Variants in CLYBL observed in about 807,000 individuals in gnomAD.
CLYBL encodes the protein citramalyl-CoA lyase.
A neutral mutation model predicts 38.9 loss-of-function variants in CLYBL; 31 were observed. The ratio of observed to expected loss-of-function variants is 0.80; its 90% CI spans 0.60 to 1.08. CLYBL has a LOEUF of 1.08. Among genes scored for constraint, CLYBL ranks in the 50% least tolerant of loss-of-function variants. The pLI, the probability that CLYBL is intolerant of heterozygous loss-of-function variation, is 0.00. For synonymous variants in CLYBL, 171 were observed against 158.6 expected (o/e 1.08, Z -0.59); for missense variants, 434 against 411.6 (o/e 1.05, Z -0.47).
rs144272756 is a variant in CLYBL, at chr13:99,846,410, T to C, written c.250-12451T>C. 1.2e-3 allele frequency among the ~76,000 whole-genome samples: 182 copies of C among 152,038 alleles called. 1 individual carries two copies. Among genetic ancestry groups the C allele is most frequent in the African/African-American group, 3.7e-3 (152 of 41,460 alleles). ...TGGAGATATTTTTTATTCCTTTTTG[T>C]TTTAAAGCCCTGTCTACTTTAAAAA... On this transcript the variant is annotated intron_variant, in intron 2 of 8. Coordinates refer to ENST00000339105, the MANE Select transcript of CLYBL (RefSeq NM_206808.5).
intron 1 of CLYBL, among the ~76,000 whole-genome samples, chr13:99,736,514 C>T (rs1201583373): frequency 6.6e-6 from 1 of 151,830 alleles, no homozygotes; most frequent in Non-Finnish European, 1.5e-5. Flanking sequence ...TTTTGAAGAG[C>T]TAATATTTAT....
At chr13:99,837,449 C>CTG (rs1489346727) in intron 2 of CLYBL, among the ~76,000 whole-genome samples, 11 of 152,178 alleles carry the variant, frequency 7.2e-5, no homozygotes, top group African/African-American at 2.7e-4. Flanking sequence ...GAGACCCTGT[C>CTG]TCGAAAATAA....
intron 1 of CLYBL, among the ~76,000 whole-genome samples, chr13:99,608,832 A>G (rs1382257015): frequency 1.8e-5 from 2 of 110,230 alleles, no homozygotes; most frequent in Non-Finnish European, 3.5e-5. Context: ...TTAGGGTTCT[A>G]TGTAAGTGAT....
rs755185509 is a variant in CLYBL at position 99,864,998 on chromosome 13, C to T, written c.634+87C>T. 4.3e-5 allele frequency: 40 copies of T among 924,972 alleles called. No individual in the cohort carries two copies. In the Middle Eastern group the frequency reaches 8.5e-4, roughly 20 times the overall value. 57.3% of individuals were successfully genotyped at this position (924,972 alleles called of 1,614,324 possible). ...TTTTTCTTTGCCCCTCAAGGATGGA[C>T]ATTTACATAACAATGTATATTTGCC... On this transcript the variant is annotated intron_variant, in intron 5 of 8. Transcript: ENST00000339105.
In CLYBL at chr13:99,880,068, A is replaced by ATT. The variant is rs1555324345; in HGVS notation, c.927+9022_927+9023dup. Among the ~76,000 whole-genome samples, 1,007 of 101,196 alleles carry ATT rather than the reference A, an allele frequency of 1.0e-2. 17 individuals are homozygous for ATT. Among genetic ancestry groups the ATT allele is most frequent in the African/African-American group, 0.018 (454 of 24,678 alleles). The allele number at this position is 101,196 out of a possible 152,430, so 66.4% of individuals were successfully genotyped here. A position where few individuals can be genotyped will look rare whatever the true frequency, so the allele number is the denominator to read the frequency against. ...TGTGTATGTATATATATATATATAT[A>ATT]TTTTTTTTTTTTTTTTTGAGACAGA... is the stretch of plus-strand genomic sequence containing the variant. On this transcript the variant is annotated intron_variant, in intron 7 of 8. Coordinates refer to ENST00000339105, the MANE Select transcript of CLYBL (RefSeq NM_206808.5).
rs189301595 is a variant in CLYBL at position 99,712,405 on chromosome 13, G to T, written c.63-60419G>T. On this transcript the variant is annotated intron_variant, in intron 1 of 8. Coordinates refer to ENST00000339105, the MANE Select transcript of CLYBL (RefSeq NM_206808.5). ...GCTAGAATGCAGTGGCGTGATCTCG[G>T]TTCACTGTGACCTCTGCCTCCTGGG... 1.3e-3 allele frequency among the ~76,000 whole-genome samples: 193 copies of T among 149,456 alleles called. 2 individuals carry two copies. The highest frequency in any genetic ancestry group is 4.5e-3 in the African/African-American group (182 of 40,668).
intron 6 of CLYBL, among the ~76,000 whole-genome samples, chr13:99,870,469 C>CTAT (rs751885289): frequency 0.029 from 4,466 of 152,162 alleles, no homozygotes; most frequent in Non-Finnish European, 0.045. Context: ...ACCAGCAGAC[C>CTAT]ATTTCTAAGA....
chr13:99,864,848 C>T lies in CLYBL; in HGVS notation c.571C>T (p.Pro191Ser), dbSNP rs34078213. The change falls in exon 5 of 9, where the codon CCT (proline) becomes TCT (serine). Residue 191 changes from proline (P) to serine (S), a missense_variant. Physicochemically the swap from Pro to Ser is moderately conservative, Grantham distance 74. Transcript: ENST00000339105. ...GTGTGAAGAAACCCTGAAGGTCGGG[C>T]CTCAAGTAGGTCTCTTTCTAGATGC... ...AVCEETLKVG[P>S]QVGLFLDAVV... 4.6e-4 allele frequency: 735 copies of T among 1,613,940 alleles called. 2 individuals are homozygous for T. In the African/African-American group the frequency reaches 8.8e-3, roughly 19 times the overall value.
intron 1 of CLYBL, among the ~76,000 whole-genome samples, chr13:99,717,055 A>C (rs1358285266): frequency 6.8e-6 from 1 of 147,288 alleles, no homozygotes; most frequent in African/African-American, 2.5e-5. Context: ...CCTCGCAAAG[A>C]GCTGGGATTA....
chr13:99,901,719 G>A (rs2152137834), downstream of CLYBL, among the ~76,000 whole-genome samples: 2 of 151,356 alleles, frequency 1.3e-5, no homozygotes, highest in Middle Eastern at 6.8e-3. Context: ...GAGTCCAGTG[G>A]CGCAATTTCA....
At chr13:99,798,220 C>T in intron 2 of CLYBL, among the ~76,000 whole-genome samples, 1 of 152,248 alleles carries the variant, frequency 6.6e-6, no homozygotes, top group East Asian at 1.9e-4. Context: ...TTTTACATTC[C>T]CAGAAGGCCC....
intron 2 of CLYBL, among the ~76,000 whole-genome samples, chr13:99,855,178 A>T (rs1007166258): frequency 6.6e-6 from 1 of 152,206 alleles, no homozygotes; most frequent in African/African-American, 2.4e-5. Flanking sequence ...GGACAAGTTC[A>T]TTCCACAGTG....
At chr13:99,827,529 C>T (rs1459072601) in intron 2 of CLYBL, among the ~76,000 whole-genome samples, 3 of 152,178 alleles carry the variant, frequency 2.0e-5, no homozygotes, top group Non-Finnish European at 4.4e-5. Flanking sequence ...GACAGGACCT[C>T]CCCTTAGGAG....
chr13:99,885,485 T>A (rs1165804266), intron 7 of CLYBL, among the ~76,000 whole-genome samples: 1 of 152,096 alleles, frequency 6.6e-6, no homozygotes, highest in Non-Finnish European at 1.5e-5. Context: ...ATTCTGCAAG[T>A]CCAAAGAAAA....
intron 1 of CLYBL, among the ~76,000 whole-genome samples, chr13:99,715,265 AC>A (rs1407313033): frequency 6.7e-6 from 1 of 150,282 alleles, no homozygotes; most frequent in Non-Finnish European, 1.5e-5. Context: ...CTTTTGACTA[AC>A]TCCTCCCCTT....
chr13:99,662,401 G>A (rs1205659374), intron 1 of CLYBL, among the ~76,000 whole-genome samples: 1 of 151,858 alleles, frequency 6.6e-6, no homozygotes, highest in African/African-American at 2.4e-5. Context: ...TCTCTTTCCT[G>A]TAGTTACTTT....
chr13:99,743,851 G>A (rs1397490470), intron 1 of CLYBL, among the ~76,000 whole-genome samples: 1 of 151,490 alleles, frequency 6.6e-6, no homozygotes, highest in Non-Finnish European at 1.5e-5. Flanking sequence ...AAATCCTATC[G>A]CTTTCCTGCG....
chr13:99,877,965 T>C (rs2052094129), intron 7 of CLYBL, among the ~76,000 whole-genome samples: 1 of 152,036 alleles, frequency 6.6e-6, no homozygotes, highest in Non-Finnish European at 1.5e-5. Context: ...TTTAGGTCAG[T>C]GGGCCTCAAA....
chr13:99,639,820 C>T (rs1329567528), intron 1 of CLYBL, among the ~76,000 whole-genome samples: 2 of 152,100 alleles, frequency 1.3e-5, no homozygotes, highest in Non-Finnish European at 2.9e-5. Flanking sequence ...CCACTTGAGC[C>T]CAGGAGTTCA....
Sources: allele counts gnomAD v4.1 joint callset (sites outside exome capture counted in the v4.1 genomes callset), GRCh38; gene constraint gnomAD v4.1.1; transcripts MANE v1.5; gene names NCBI Gene and HGNC (gene_info 2026-07-23, HGNC 2026-07-21).